The following DLC1 variants were observed in gnomAD, a reference collection of about 807,000 sequenced individuals.
DLC1 encodes the protein DLC1 Rho GTPase activating protein, also known as rho GTPase-activating protein 7.
DLC1 carries 54 observed loss-of-function variants against 140.3 expected under a neutral mutation model. The observed-to-expected ratio is 0.38, with a 90% CI of 0.31 to 0.48. The LOEUF (loss-of-function observed/expected upper bound fraction) is 0.48. Among genes scored for constraint, DLC1 ranks in the 20% least tolerant of loss-of-function variants. The pLI is 0.96. For missense variants in DLC1, 2,536 were observed against 1,907.0 expected, an observed-to-expected ratio of 1.33 and a Z score of -6.14; for synonymous variants, 986 against 728.1, an observed-to-expected ratio of 1.35 and a Z score of -5.70.
chr8:13,413,179 C>T (rs573431724), intron 2 of DLC1, among the ~76,000 whole-genome samples: 26 of 151,122 alleles, frequency 1.7e-4, no homozygotes, highest in Non-Finnish European at 3.5e-4. Flanking sequence ...TTTTCCAACC[C>T]GCAGCCCAGG....
chr8:13,198,965 C>T (rs1827222063), intron 5 of DLC1, among the ~76,000 whole-genome samples: 1 of 152,080 alleles, frequency 6.6e-6, no homozygotes, highest in African/African-American at 2.4e-5. Context: ...GGTGTGCCCG[C>T]CTTGGCCTCC....
intron 4 of DLC1, among the ~76,000 whole-genome samples, chr8:13,390,773 GT>G (rs1402215730): frequency 6.6e-6 from 1 of 152,080 alleles, no homozygotes; most frequent in Non-Finnish European, 1.5e-5. Context: ...GGATCATGAG[GT>G]TAGGAGATCA....
intron 2 of DLC1, among the ~76,000 whole-genome samples, chr8:13,470,029 C>T (rs1385917668): frequency 2.6e-5 from 4 of 152,124 alleles, no homozygotes; most frequent in Non-Finnish European, 5.9e-5. Context: ...AAAGTACCAT[C>T]TAACAATAAA....
chr8:13,122,235 C>T (rs1173543948), intron 5 of DLC1, among the ~76,000 whole-genome samples: 3 of 152,200 alleles, frequency 2.0e-5, no homozygotes, highest in South Asian at 4.1e-4. Context: ...TCAGCAAAGA[C>T]CACAGCCTTC....
chr8:13,299,573 A>G lies in DLC1; in HGVS notation c.1348+5696T>C, dbSNP rs1832100135. Among the ~76,000 whole-genome samples, 3 of 148,636 alleles carry G rather than the reference A, an allele frequency of 2.0e-5. No individual in the cohort carries two copies. The South Asian group carries it at 6.3e-4, about 31-fold the overall frequency. On this transcript the variant is annotated intron_variant, in intron 5 of 17. Coordinates refer to ENST00000276297, the MANE Select transcript of DLC1 (RefSeq NM_182643.3). ...GGTGCCAGTTGCATGCCACAGACCT[A>G]GGCAGAAGATGAAAGCAGAGAGCTA...
At chr8:13,569,292 A>G (rs1213699726) in intron 1 of DLC1, among the ~76,000 whole-genome samples, 1 of 152,322 alleles carries the variant, frequency 6.6e-6, no homozygotes, top group Admixed American at 6.5e-5. Context: ...AAATCAGCAC[A>G]GAAGAGTTTT....
At chr8:13,202,013 T>TG (rs1474646444) in intron 5 of DLC1, among the ~76,000 whole-genome samples, 9 of 149,186 alleles carry the variant, frequency 6.0e-5, no homozygotes, top group African/African-American at 2.2e-4. Flanking sequence ...TGGTGCGATC[T>TG]CGGCTCACTG....
intron 2 of DLC1, among the ~76,000 whole-genome samples, chr8:13,459,231 T>C (rs191082084): frequency 6.6e-6 from 1 of 152,314 alleles, no homozygotes; most frequent in Admixed American, 6.5e-5. Context: ...AAGTTCTGTG[T>C]TTTTCTGATT....
intron 4 of DLC1, among the ~76,000 whole-genome samples, chr8:13,346,731 T>C (rs1313146041): frequency 6.6e-6 from 1 of 151,962 alleles, no homozygotes; most frequent in Non-Finnish European, 1.5e-5. Flanking sequence ...CCTTTGTCAG[T>C]CTCCTTTTTA....
At chr8:13,420,420 C>G (rs1240448598) in intron 2 of DLC1, among the ~76,000 whole-genome samples, 4 of 151,984 alleles carry the variant, frequency 2.6e-5, no homozygotes, top group African/African-American at 9.7e-5. Flanking sequence ...AACTTAAGTT[C>G]TGGGATACAT....
At chr8:13,584,710 G>A (rs541998080) in intron 1 of DLC1, among the ~76,000 whole-genome samples, 2 of 152,246 alleles carry the variant, frequency 1.3e-5, no homozygotes, top group South Asian at 2.1e-4. Context: ...GCAGAGGTAG[G>A]CACATTGAGA....
At chr8:13,240,522 C>T (rs1178089411) in intron 5 of DLC1, among the ~76,000 whole-genome samples, 2 of 152,116 alleles carry the variant, frequency 1.3e-5, no homozygotes, top group East Asian at 1.9e-4. Context: ...ATCTCCCTGG[C>T]TCAAGGGATC....
intron 2 of DLC1, among the ~76,000 whole-genome samples, chr8:13,480,456 A>G (rs376608109): frequency 1.3e-5 from 2 of 152,184 alleles, no homozygotes; most frequent in East Asian, 1.9e-4. Context: ...AAGATAGACT[A>G]TATCTTCTTC....
At chr8:13,331,252 C>T (rs1833575689) in intron 4 of DLC1, among the ~76,000 whole-genome samples, 1 of 152,162 alleles carries the variant, frequency 6.6e-6, no homozygotes, top group South Asian at 2.1e-4. Flanking sequence ...ATTGGCTACT[C>T]TGGAAAATAA....
intron 5 of DLC1, among the ~76,000 whole-genome samples, chr8:13,169,986 C>G (rs1346450884): frequency 6.6e-6 from 1 of 151,830 alleles, no homozygotes; most frequent in Admixed American, 6.6e-5. Flanking sequence ...CCCTGTGGCA[C>G]TCCAGCCTGG....
At chr8:13,207,027 A>T (rs1296929773) in intron 5 of DLC1, among the ~76,000 whole-genome samples, 1 of 152,188 alleles carries the variant, frequency 6.6e-6, no homozygotes, top group African/African-American at 2.4e-5. Flanking sequence ...GTGCTTTATA[A>T]AAGAAGTTGT....
intron 2 of DLC1, among the ~76,000 whole-genome samples, chr8:13,404,094 A>T (rs1837420614): frequency 6.6e-6 from 1 of 152,094 alleles, no homozygotes; most frequent in Admixed American, 6.6e-5. Context: ...ATATTCAGTG[A>T]TTGTAAAGAA....
intron 1 of DLC1, among the ~76,000 whole-genome samples, chr8:13,596,223 G>C (rs1246033147): frequency 6.6e-6 from 1 of 151,952 alleles, no homozygotes; most frequent in Non-Finnish European, 1.5e-5. Flanking sequence ...TTTATAGAAA[G>C]ATGTTAGGAA....
intron 4 of DLC1, among the ~76,000 whole-genome samples, chr8:13,327,163 C>T (rs1288227958): frequency 3.0e-5 from 3 of 100,930 alleles, no homozygotes; most frequent in African/African-American, 3.7e-5. Context: ...TTAGCAGAGA[C>T]GGGGTTTCCC....
Sources: allele counts gnomAD v4.1 joint callset (sites outside exome capture counted in the v4.1 genomes callset), GRCh38; gene constraint gnomAD v4.1.1; transcripts MANE v1.5; gene names NCBI Gene and HGNC (gene_info 2026-07-23, HGNC 2026-07-21).